The following RPL41 variants were observed in gnomAD, a reference collection of about 807,000 sequenced individuals.
The protein encoded by RPL41 is small ribosomal subunit protein eS32.
RPL41 carries 3 observed loss-of-function variants against 7.3 expected under a neutral mutation model. The observed-to-expected ratio is 0.41, with a 90% CI of 0.19 to 1.06. RPL41 has a LOEUF of 1.06. RPL41 is among the 50% of genes least tolerant of loss of function. RPL41 has a pLI of 0.32. For synonymous variants in RPL41, 9 were observed against 7.4 expected (o/e 1.21, Z -0.34); for missense variants, 13 against 30.4 (o/e 0.43, Z 1.35).
chr12:56,117,054 C>T (rs1440988962), intron 1 of RPL41, 135 bp from the exon 2 acceptor site: 2 of 1,316,476 alleles, frequency 1.5e-6, no homozygotes, highest in African/African-American at 1.5e-5. Context: ...TACGACCAAT[C>T]TTTCATACTT....
Position 56,117,613 on chromosome 12 carries a change from A to G in RPL41, c.*89A>G. The stretch of plus-strand genomic sequence containing the variant: ...ATGCTGGTACAAGTTGTGGGACTGC[A>G]TGCTACTGTCTAGAGCTTGTCTCAA... On this transcript the variant is annotated 3_prime_UTR_variant, in exon 3 of 3. Coordinates refer to ENST00000546591, the MANE Select transcript of RPL41 (RefSeq NM_001035267.2). The G allele has an allele frequency of 1.0e-6, 1 of 970,606 alleles. No homozygotes were observed. The highest frequency in any genetic ancestry group is 1.6e-6 in the Non-Finnish European group (1 of 623,846). The allele number at this position is 970,606 out of a possible 1,614,324, so 60.1% of individuals were successfully genotyped here. A position where few individuals can be genotyped will look rare whatever the true frequency, so the allele number is the denominator to read the frequency against.
In RPL41 at chr12:56,116,717, C is replaced by T. The variant is rs1026322847; in HGVS notation, c.-71C>T. On this transcript the variant is annotated 5_prime_UTR_variant, in exon 1 of 3. Transcript: ENST00000546591. ...CGTGTACAATCCATAGACATCTGAC[C>T]TCGGCACTTAGCATCATCACAGCAA... is the stretch of plus-strand genomic sequence containing the variant. The T allele has an allele frequency of 2.1e-5, 33 of 1,571,302 alleles. No individual in the cohort carries two copies. The highest frequency in any genetic ancestry group is 4.1e-5 in the African/African-American group (3 of 74,056).
chr12:56,117,483 C>T lies in RPL41; in HGVS notation c.37C>T (p.Leu13=). 6.4e-7 allele frequency: 1 copy of T among 1,553,408 alleles called. No individual in the cohort carries two copies. The highest frequency in any genetic ancestry group is 8.7e-7 in the Non-Finnish European group (1 of 1,147,914). The change falls in exon 3 of 3, where the codon CTG becomes TTG. Residue 13 remains leucine (L), a splice_region_variant and synonymous_variant. Coordinates refer to ENST00000546591, the MANE Select transcript of RPL41 (RefSeq NM_001035267.2). ...AKWRKKRMRR[L]KRKRRKMRQR... is the part of the protein sequence containing the mutation. ...TCCATTCCTGTGTCTGCTTTTCAGGCTGAAGCGCAAAAGAAGAAAGATGAG... is the reference window on the plus strand; with the variant it reads ...TCCATTCCTGTGTCTGCTTTTCAGGTTGAAGCGCAAAAGAAGAAAGATGAG...
intron 2 of RPL41, 73 bp downstream of exon 2, chr12:56,117,284 G>T (rs1592238616): frequency 1.3e-6 from 2 of 1,554,068 alleles, no homozygotes; most frequent in Non-Finnish European, 1.7e-6. Context: ...ATTTGGTTTG[G>T]AAATCTTAAA....
In RPL41 at chr12:56,117,676, C is replaced by T. The variant is rs1262676937; in HGVS notation, c.*152C>T. The T allele has an allele frequency of 3.0e-6, 2 of 667,316 alleles. No individual in the cohort carries two copies. The highest frequency in any genetic ancestry group is 5.4e-6 in the Non-Finnish European group (2 of 370,882). The allele number at this position is 667,316 out of a possible 1,614,324, so 41.3% of individuals were successfully genotyped here. A position where few individuals can be genotyped will look rare whatever the true frequency, so the allele number is the denominator to read the frequency against. ...TTCATCGCCCTCTGATCGCCGATCA[C>T]CTCTGAGACCCACCTTGCTCATAAA... is the stretch of plus-strand genomic sequence containing the variant. On this transcript the variant is annotated 3_prime_UTR_variant, in exon 3 of 3. Coordinates refer to ENST00000546591, the MANE Select transcript of RPL41 (RefSeq NM_001035267.2).
In RPL41 at chr12:56,116,672, T is replaced by C; in HGVS notation, c.-116T>C. The stretch of plus-strand genomic sequence containing the variant: ...GCCATTTTTTTGGGTGAGTGTTTTT[T>C]GGTTCCTGCGTTGGGATTCCGTGTA... On this transcript the variant is annotated 5_prime_UTR_variant, in exon 1 of 3. Coordinates refer to ENST00000546591, the MANE Select transcript of RPL41 (RefSeq NM_001035267.2). 1 of 1,303,422 alleles carries C rather than the reference T, an allele frequency of 7.7e-7. No homozygotes were observed. Among genetic ancestry groups the C allele is most frequent in the Non-Finnish European group, 1.1e-6 (1 of 899,418 alleles). 80.7% of individuals were successfully genotyped at this position (1,303,422 alleles called of 1,614,324 possible). A position where few individuals can be genotyped will look rare whatever the true frequency, so the allele number is the denominator to read the frequency against.
Position 56,116,938 on chromosome 12 carries a change from G to T in RPL41, c.12+139G>T, listed in dbSNP as rs934834612. Reference sequence around the variant, plus strand: ...GCTGGTGGGAGAGAGAAGGTAGTTTGTGAGAGAGCTAGCGGTTAAGTGCTA... The same window carrying T: ...GCTGGTGGGAGAGAGAAGGTAGTTTTTGAGAGAGCTAGCGGTTAAGTGCTA... On this transcript the variant is annotated intron_variant, in intron 1 of 2. Transcript: ENST00000546591. 6 of 1,238,422 alleles carry T rather than the reference G, an allele frequency of 4.8e-6. No homozygotes were observed. The East Asian group carries it at 7.0e-5, about 14-fold the overall frequency. The allele number at this position is 1,238,422 out of a possible 1,614,324, so 76.7% of individuals were successfully genotyped here.
At position 56,117,919 on chromosome 12, in the gene RPL41, G is replaced by C. The variant is rs1164612935; in HGVS notation, c.*395G>C. On this transcript the variant is annotated 3_prime_UTR_variant, in exon 3 of 3. Coordinates refer to ENST00000546591, the MANE Select transcript of RPL41 (RefSeq NM_001035267.2). ...CCTGTCACTACCTGTGCTATGGAGG[G>C]TATCAAAGCTATAAAGGCAACAGCC... The C allele has an allele frequency of 3.2e-6, 1 of 308,672 alleles. No homozygotes were observed. The highest frequency in any genetic ancestry group is 8.6e-5 in the East Asian group (1 of 11,662). The allele number at this position is 308,672 out of a possible 1,614,324, so 19.1% of individuals were successfully genotyped here.
intron 2 of RPL41, 60 bp from the exon 3 acceptor site, chr12:56,117,422 T>C (rs79911001): frequency 0.022 from 33,735 of 1,519,408 alleles, 479 homozygotes; most frequent in Non-Finnish European, 0.026. Context: ...TTTGATTTAA[T>C]GTGGGAGGGA....
At chr12:56,116,913 G>C in intron 1 of RPL41, 114 bp downstream of exon 1, 2 of 1,372,772 alleles carry the variant, frequency 1.5e-6, no homozygotes, top group Non-Finnish European at 2.1e-6. Context: ...GTGCCCAAGA[G>C]CTGGTGGGAG....
chr12:56,117,137 C>A, intron 1 of RPL41, 52 bp from the exon 2 acceptor site: 3 of 1,271,036 alleles, frequency 2.4e-6, no homozygotes, highest in Non-Finnish European at 3.3e-6. Flanking sequence ...AAGCTTCATC[C>A]CTTTTTTTTT....
In RPL41 at chr12:56,117,437, C is replaced by G. The variant is rs1435272478; in HGVS notation, c.36-45C>G. On this transcript the variant is annotated intron_variant, in intron 2 of 2. Coordinates refer to ENST00000546591, the MANE Select transcript of RPL41 (RefSeq NM_001035267.2). ...TTTGATTTAATGTGGGAGGGAAAGG[C>G]AACTCTGGTTTGAGGTGTATTCCAT... 4 of 1,547,718 alleles carry G rather than the reference C, an allele frequency of 2.6e-6. No individual in the cohort carries two copies. The South Asian group carries it at 3.6e-5, about 14-fold the overall frequency.
intron 1 of RPL41, 150 bp downstream of exon 1, chr12:56,116,949 A>G (rs1869623727): frequency 1.7e-6 from 2 of 1,185,184 alleles, no homozygotes; most frequent in African/African-American, 3.0e-5. Flanking sequence ...TGAGAGAGCT[A>G]GCGGTTAAGT....
intron 2 of RPL41, 98 bp downstream of exon 2, chr12:56,117,309 A>G (rs1469550545): frequency 1.3e-6 from 2 of 1,497,500 alleles, no homozygotes; most frequent in Non-Finnish European, 1.8e-6. Flanking sequence ...CTTTAGGAGA[A>G]AAACGTTTGA....
Position 56,117,370 on chromosome 12 carries a change from G to A in RPL41, c.36-112G>A. 3.6e-6 allele frequency: 5 copies of A among 1,402,900 alleles called. No homozygotes were observed. The South Asian group carries it at 3.7e-5, about 10-fold the overall frequency. 86.9% of individuals were successfully genotyped at this position (1,402,900 alleles called of 1,614,324 possible). A position where few individuals can be genotyped will look rare whatever the true frequency, so the allele number is the denominator to read the frequency against. ...TAACAGAACAGAGAACGATAGAACC[G>A]TAGTGCTTGTTCATTTTACCACCTC... On this transcript the variant is annotated intron_variant, in intron 2 of 2. Transcript: ENST00000546591.
chr12:56,117,164 T>C (rs574385869), intron 1 of RPL41, 25 bp from the exon 2 acceptor site: 24 of 1,557,794 alleles, frequency 1.5e-5, no homozygotes, highest in Non-Finnish European at 2.1e-5. Context: ...TTTTTAATTA[T>C]CTGCTGCTTG....
intron 1 of RPL41, 26 bp downstream of exon 1, chr12:56,116,825 G>C: frequency 1.2e-6 from 2 of 1,613,990 alleles, no homozygotes; most frequent in Non-Finnish European, 1.7e-6. Context: ...TAGTAAGCTT[G>C]GGAGGTAGGA....
Position 56,117,278 on chromosome 12 carries a change from G to A in RPL41, c.35+67G>A, listed in dbSNP as rs190951182. Reference sequence around the variant, plus strand: ...TGGACAAAACTTAGGAGAAACATTTGGTTTGGAAATCTTAAAAGATCTTTA... The same window carrying A: ...TGGACAAAACTTAGGAGAAACATTTAGTTTGGAAATCTTAAAAGATCTTTA... On this transcript the variant is annotated intron_variant, in intron 2 of 2. Transcript: ENST00000546591. The A allele has an allele frequency of 9.3e-4, 1,444 of 1,560,476 alleles. 11 individuals carry two copies. The highest frequency in any genetic ancestry group is 9.5e-5 in the Non-Finnish European group (110 of 1,154,550).
At position 56,117,797 on chromosome 12, in the gene RPL41, C is replaced by T. The variant is rs1270993728; in HGVS notation, c.*273C>T. The T allele has an allele frequency of 8.5e-6, 4 of 472,838 alleles. No homozygotes were observed. In the Admixed American group the frequency reaches 1.0e-4, roughly 12 times the overall value. 29.3% of individuals were successfully genotyped at this position (472,838 alleles called of 1,614,324 possible). On this transcript the variant is annotated 3_prime_UTR_variant, in exon 3 of 3. Transcript: ENST00000546591. Reference sequence around the variant, plus strand: ...CGAGTGTAACAACCATATAATAAATCACCTCTTCCGCTGTTTTAGCTGAAG... The same window carrying T: ...CGAGTGTAACAACCATATAATAAATTACCTCTTCCGCTGTTTTAGCTGAAG...
Sources: gnomAD v4.1 joint callset for allele counts on GRCh38, gnomAD v4.1.1 for gene constraint, MANE v1.5 for transcripts, NCBI Gene and HGNC (gene_info 2026-07-23, HGNC 2026-07-21) for gene names.